Variants in CREBBP observed in about 807,000 individuals in gnomAD.
The protein encoded by CREBBP is CREB-binding protein.
Under a neutral mutation model 265.0 loss-of-function variants are expected in CREBBP, and 19 were observed. That is an observed-to-expected ratio of 0.07 (90% CI 0.05 to 0.11). The LOEUF (loss-of-function observed/expected upper bound fraction) is 0.11. Ranked by LOEUF, CREBBP falls within the 10% of genes least tolerant of loss-of-function variation. CREBBP has a pLI of 1.00. For synonymous variants in CREBBP, 1,457 were observed against 1,223.7 expected (o/e 1.19, Z -3.98); for missense variants, 2,525 against 3,219.0 (o/e 0.78, Z 5.22).
intron 2 of CREBBP, among the ~76,000 whole-genome samples, chr16:3,813,374 G>A (rs1450874933): frequency 1.3e-5 from 2 of 152,270 alleles, no homozygotes; most frequent in African/African-American, 4.8e-5. Context: ...ATGGTAGCTC[G>A]ATAAATATTA....
Position 3,849,438 on chromosome 16 carries a change from T to TGTGTGTG in CREBBP, c.798+852_798+858dup, listed in dbSNP as rs1567360402. ...GTGTGTGTGTGTGTGTGTGTGTGTG[T>TGTGTGTG]GTGTGTGTGTGTGTGTGTGTGTGTG... On this transcript the variant is annotated intron_variant, in intron 2 of 30. Transcript: ENST00000262367. Among the ~76,000 whole-genome samples, 50 of 12,792 alleles carry TGTGTGTG rather than the reference T, an allele frequency of 3.9e-3. 3 individuals are homozygous for TGTGTGTG. The highest frequency in any genetic ancestry group is 0.01 in the Non-Finnish European group (20 of 1,988). The allele number at this position is 12,792 out of a possible 152,430, so 8.4% of individuals were successfully genotyped here. A position where few individuals can be genotyped will look rare whatever the true frequency, so the allele number is the denominator to read the frequency against.
chr16:3,810,496 C>T (rs954768159), intron 3 of CREBBP, 107 bp downstream of exon 3: 10 of 1,340,996 alleles, frequency 7.5e-6, no homozygotes, highest in Non-Finnish European at 8.6e-6. Context: ...TTCCTATCAC[C>T]TACTGACACA....
chr16:3,765,982 A>G (rs534805285), intron 16 of CREBBP, among the ~76,000 whole-genome samples: 14 of 152,256 alleles, frequency 9.2e-5, no homozygotes, highest in Non-Finnish European at 1.5e-4. Flanking sequence ...GTGAGCCACC[A>G]TGCACGCCCT....
At chr16:3,811,937 T>C (rs1227913604) in intron 2 of CREBBP, among the ~76,000 whole-genome samples, 4 of 152,048 alleles carry the variant, frequency 2.6e-5, no homozygotes, top group East Asian at 3.9e-4. Flanking sequence ...AGGGGATTAG[T>C]AGTAGTTAAA....
At chr16:3,815,709 A>G (rs2054025481) in intron 2 of CREBBP, among the ~76,000 whole-genome samples, 1 of 151,784 alleles carries the variant, frequency 6.6e-6, no homozygotes, top group South Asian at 2.1e-4. Context: ...GGGTTACATG[A>G]GTTTTTTTTA....
intron 28 of CREBBP, among the ~76,000 whole-genome samples, chr16:3,734,139 T>C (rs1388016461): frequency 6.6e-6 from 1 of 152,110 alleles, no homozygotes; most frequent in East Asian, 1.9e-4. Flanking sequence ...AGGGAGCTGG[T>C]TCCGTTTCTC....
At chr16:3,778,674 C>T (rs745566748) in intron 9 of CREBBP, 26 bp downstream of exon 9, 1 of 1,538,120 alleles carries the variant, frequency 6.5e-7, no homozygotes, top group Admixed American at 1.7e-5. Flanking sequence ...GCTGTAGAGG[C>T]CAGAGCACGG....
chr16:3,846,366 A>AATT (rs1429891657), intron 2 of CREBBP, among the ~76,000 whole-genome samples: 1 of 152,226 alleles, frequency 6.6e-6, no homozygotes, highest in Non-Finnish European at 1.5e-5. Flanking sequence ...ATGAAGGTGT[A>AATT]ATTTGCACAA....
chr16:3,851,262 T>C (rs1313042693), intron 1 of CREBBP, among the ~76,000 whole-genome samples: 3 of 120,564 alleles, frequency 2.5e-5, no homozygotes, highest in African/African-American at 1.0e-4. Flanking sequence ...CACTCCAGCC[T>C]GGGCAACAAG....
intron 8 of CREBBP, 115 bp downstream of exon 8, chr16:3,780,617 G>T: frequency 1.8e-6 from 2 of 1,104,500 alleles, no homozygotes; most frequent in Non-Finnish European, 2.7e-6. Context: ...AGTGAGAGTG[G>T]CTCCCTAAAT....
chr16:3,827,790 A>C (rs1316981366), intron 2 of CREBBP, among the ~76,000 whole-genome samples: 23 of 152,028 alleles, frequency 1.5e-4, no homozygotes, highest in Admixed American at 1.5e-3. Flanking sequence ...TCCTGAGCTC[A>C]AGTGATCTTC....
chr16:3,799,240 A>G (rs979689629), intron 3 of CREBBP, among the ~76,000 whole-genome samples: 1 of 152,196 alleles, frequency 6.6e-6, no homozygotes, highest in Admixed American at 6.5e-5. Context: ...TTCAGAATTG[A>G]CTGTGGTGAT....
chr16:3,826,395 T>A (rs768597025), intron 2 of CREBBP, among the ~76,000 whole-genome samples: 21 of 152,028 alleles, frequency 1.4e-4, no homozygotes, highest in African/African-American at 4.6e-4. Flanking sequence ...TCCTTAAACA[T>A]AGTGAGTCCT....
At chr16:3,751,137 G>C (rs2052462913) in intron 20 of CREBBP, among the ~76,000 whole-genome samples, 1 of 152,090 alleles carries the variant, frequency 6.6e-6, no homozygotes, top group African/African-American at 2.4e-5. Context: ...TAGAAAAAAA[G>C]ACAGACCAAG....
chr16:3,816,278 T>C (rs2054034745), intron 2 of CREBBP, among the ~76,000 whole-genome samples: 1 of 152,230 alleles, frequency 6.6e-6, no homozygotes, highest in Non-Finnish European at 1.5e-5. Context: ...GAGAACCTAC[T>C]TCTGTTTTCT....
chr16:3,761,373 G>A (rs2052713598), intron 16 of CREBBP, among the ~76,000 whole-genome samples: 1 of 152,228 alleles, frequency 6.6e-6, no homozygotes, highest in African/African-American at 2.4e-5. Context: ...ACATGGACCT[G>A]CCATCAATTC....
rs142329191 is a variant in CREBBP, at chr16:3,799,634, T to A, written c.976-6008A>T. Among the ~76,000 whole-genome samples, 316 of 152,334 alleles carry A rather than the reference T, an allele frequency of 2.1e-3. 1 individual carries two copies. The highest frequency in any genetic ancestry group is 6.8e-3 in the African/African-American group (284 of 41,582). ...GATAATGCATCACATTCTGATTAAA[T>A]ATTGAAAACTGGAAAAAATTCTAAA... is the stretch of plus-strand genomic sequence containing the variant. On this transcript the variant is annotated intron_variant, in intron 3 of 30. Coordinates refer to ENST00000262367, the MANE Select transcript of CREBBP (RefSeq NM_004380.3).
At position 3,852,156 on chromosome 16, in the gene CREBBP, T is replaced by G. The variant is rs1411811910; in HGVS notation, c.86-1147A>C. On this transcript the variant is annotated intron_variant, in intron 1 of 30. Transcript: ENST00000262367. ...AGGACAGTAAAGCCAATCTTAAATTTGTTTTTTTTTTTTTTTTTTTTTTTT... is the reference window on the plus strand; with the variant it reads ...AGGACAGTAAAGCCAATCTTAAATTGGTTTTTTTTTTTTTTTTTTTTTTTT... 5.4e-5 allele frequency among the ~76,000 whole-genome samples: 6 copies of G among 111,584 alleles called. No individual in the cohort carries two copies. In the East Asian group the frequency reaches 6.9e-4, roughly 13 times the overall value. The allele number at this position is 111,584 out of a possible 152,430, so 73.2% of individuals were successfully genotyped here. A position where few individuals can be genotyped will look rare whatever the true frequency, so the allele number is the denominator to read the frequency against.
intron 16 of CREBBP, among the ~76,000 whole-genome samples, chr16:3,766,383 C>T (rs2052852959): frequency 6.6e-6 from 1 of 152,190 alleles, no homozygotes; most frequent in South Asian, 2.1e-4. Flanking sequence ...CCAATCACAA[C>T]ACAGTAAATG....
Sources: allele counts gnomAD v4.1 joint callset (sites outside exome capture counted in the v4.1 genomes callset), GRCh38; gene constraint gnomAD v4.1.1; transcripts MANE v1.5; gene names NCBI Gene and HGNC (gene_info 2026-07-23, HGNC 2026-07-21).